ROBO1: variants seen among roughly 807,000 people sequenced by gnomAD.
ROBO1 encodes roundabout guidance receptor 1.
In ROBO1, 149 loss-of-function variants were observed where a neutral mutation model predicts 195.9. The ratio of observed to expected loss-of-function variants is 0.76; its 90% confidence interval spans 0.67 to 0.87. The LOEUF (loss-of-function observed/expected upper bound fraction) is 0.87. Among genes scored for constraint, ROBO1 ranks in the 40% least tolerant of loss-of-function variants. The pLI is 0.00. For missense variants in ROBO1, 1,933 were observed against 2,068.3 expected, an observed-to-expected ratio of 0.93 and a Z score of 1.27; for synonymous variants, 816 against 733.2, an observed-to-expected ratio of 1.11 and a Z score of -1.82.
chr3:79,668,607 C>T (rs1390656023), intron 1 of ROBO1, among the ~76,000 whole-genome samples: 1 of 151,586 alleles, frequency 6.6e-6, no homozygotes, highest in Non-Finnish European at 1.5e-5. Context: ...CACTTCTGTT[C>T]CACACACCAA....
rs923440478 is a variant in ROBO1, at chr3:79,332,530, A to C, written c.89-206991T>G. ...TAGAATACATACACACAGTTTGAGG[A>C]TGTATCTTTACTTGTTTTCCCATTT... On this transcript the variant is annotated intron_variant, in intron 2 of 30. Transcript: ENST00000464233. 6.6e-5 allele frequency among the ~76,000 whole-genome samples: 10 copies of C among 152,170 alleles called. 1 individual carries two copies. The highest frequency in any genetic ancestry group is 2.4e-4 in the African/African-American group (10 of 41,440).
chr3:78,739,914 G>C (rs1287590680), intron 5 of ROBO1, among the ~76,000 whole-genome samples: 2 of 152,132 alleles, frequency 1.3e-5, no homozygotes, highest in African/African-American at 4.8e-5. Flanking sequence ...TAGCAGAGTT[G>C]TTATATATGT....
intron 2 of ROBO1, among the ~76,000 whole-genome samples, chr3:79,249,997 G>A (rs1224879489): frequency 6.6e-6 from 1 of 152,202 alleles, no homozygotes; most frequent in East Asian, 1.9e-4. Flanking sequence ...AGAAGTAAGA[G>A]AAGTAGGAGA....
intron 15 of ROBO1, among the ~76,000 whole-genome samples, chr3:78,661,766 T>G (rs1316051324): frequency 6.6e-6 from 1 of 152,194 alleles, no homozygotes; most frequent in Non-Finnish European, 1.5e-5. Flanking sequence ...TCTGTTTCTT[T>G]CCTGAGACAG....
intron 18 of ROBO1, among the ~76,000 whole-genome samples, chr3:78,655,411 T>C (rs908461523): frequency 6.6e-6 from 1 of 152,120 alleles, no homozygotes; most frequent in Non-Finnish European, 1.5e-5. Flanking sequence ...AACATTCCCA[T>C]AGACGATGTG....
chr3:79,693,764 A>G (rs1947364287), intron 1 of ROBO1, among the ~76,000 whole-genome samples: 1 of 151,694 alleles, frequency 6.6e-6, no homozygotes, highest in African/African-American at 2.4e-5. Flanking sequence ...TGAGGACACA[A>G]ATCTAAGATA....
At chr3:78,684,701 T>C (rs1432375181) in intron 10 of ROBO1, among the ~76,000 whole-genome samples, 3 of 152,066 alleles carry the variant, frequency 2.0e-5, no homozygotes, top group Non-Finnish European at 2.9e-5. Context: ...ATTAAAAAGA[T>C]TATTGAATAG....
chr3:79,450,395 A>G (rs1005060778), intron 2 of ROBO1, among the ~76,000 whole-genome samples: 2 of 151,924 alleles, frequency 1.3e-5, no homozygotes. Context: ...AAGGGAAAGT[A>G]AGAAAAATAA....
chr3:79,324,498 G>A (rs921238595), intron 2 of ROBO1, among the ~76,000 whole-genome samples: 1 of 152,160 alleles, frequency 6.6e-6, no homozygotes, highest in Non-Finnish European at 1.5e-5. Flanking sequence ...AGTTACTTTA[G>A]ATGAAATCTT....
At chr3:79,284,465 T>G (rs1221170308) in intron 2 of ROBO1, among the ~76,000 whole-genome samples, 1 of 152,086 alleles carries the variant, frequency 6.6e-6, no homozygotes, top group Non-Finnish European at 1.5e-5. Flanking sequence ...ATGTGTATCC[T>G]GGAACTTAAA....
chr3:79,031,569 G>A (rs1407235852), intron 3 of ROBO1, among the ~76,000 whole-genome samples: 1 of 152,180 alleles, frequency 6.6e-6, no homozygotes, highest in Non-Finnish European at 1.5e-5. Flanking sequence ...GCTGGGTGAT[G>A]GTGGGTAAGT....
chr3:78,936,905 T>A (rs147272061), intron 4 of ROBO1, among the ~76,000 whole-genome samples: 1 of 152,216 alleles, frequency 6.6e-6, no homozygotes, highest in East Asian at 1.9e-4. Context: ...CAGCTGTCAT[T>A]CACCTCACTA....
In ROBO1 at chr3:78,660,169, C is replaced by T. The variant is rs368200663; in HGVS notation, c.2321-362G>A. 9.4e-5 allele frequency: 16 copies of T among 170,286 alleles called. No individual in the cohort carries two copies. The East Asian group carries it at 2.6e-3, about 28-fold the overall frequency. The allele number at this position is 170,286 out of a possible 1,614,324, so 10.5% of individuals were successfully genotyped here. The stretch of plus-strand genomic sequence containing the variant: ...CTCGTGACTTCAGGTGATCCGCCCG[C>T]CTCAGCCTCCTAAAGTGCTGGGGTT... On this transcript the variant is annotated intron_variant, in intron 16 of 30. Transcript: ENST00000464233.
chr3:79,685,241 T>C (rs949578477), intron 1 of ROBO1, among the ~76,000 whole-genome samples: 1 of 152,282 alleles, frequency 6.6e-6, no homozygotes, highest in Admixed American at 6.5e-5. Flanking sequence ...AGGGCCTCTG[T>C]GTGCATGTTG....
At chr3:78,802,074 T>C (rs1398436617) in intron 4 of ROBO1, among the ~76,000 whole-genome samples, 1 of 152,134 alleles carries the variant, frequency 6.6e-6, no homozygotes, top group Non-Finnish European at 1.5e-5. Flanking sequence ...TTTATTTCCA[T>C]TACTATGCAA....
chr3:78,760,811 T>C (rs1356860691), intron 4 of ROBO1, among the ~76,000 whole-genome samples: 1 of 150,876 alleles, frequency 6.6e-6, no homozygotes, highest in African/African-American at 2.5e-5. Context: ...CCAGCCAAAT[T>C]TTTATTTTTT....
At chr3:79,051,880 C>T (rs2084381) in intron 3 of ROBO1, among the ~76,000 whole-genome samples, 149,596 of 152,224 alleles carry the variant, frequency 0.98, 73,575 homozygotes, top group Middle Eastern at 1. Flanking sequence ...TTCCTATTCC[C>T]GTCTTTACTT....
At chr3:78,618,760 T>C (rs1187804287) in intron 26 of ROBO1, among the ~76,000 whole-genome samples, 1 of 152,246 alleles carries the variant, frequency 6.6e-6, no homozygotes, top group Non-Finnish European at 1.5e-5. Context: ...TCTTATGTCC[T>C]GGAATTAATT....
chr3:78,675,274 G>A (rs534692856), intron 10 of ROBO1, among the ~76,000 whole-genome samples: 2 of 152,228 alleles, frequency 1.3e-5, no homozygotes, highest in African/African-American at 4.8e-5. Flanking sequence ...TTCTATCTGA[G>A]GTACCGGGTT....
Sources: allele counts gnomAD v4.1 joint callset (sites outside exome capture counted in the v4.1 genomes callset), GRCh38; gene constraint gnomAD v4.1.1; transcripts MANE v1.5; gene names NCBI Gene and HGNC (gene_info 2026-07-23, HGNC 2026-07-21).